SGSM1: variants seen among roughly 807,000 people sequenced by gnomAD.
SGSM1 encodes RUN and TBC1 domain containing 2.
In SGSM1, 73 loss-of-function variants were observed where a neutral mutation model predicts 133.8. The ratio of observed to expected loss-of-function variants is 0.55; its 90% CI spans 0.45 to 0.66. SGSM1 has a LOEUF of 0.66. Ranked by LOEUF, SGSM1 falls within the 30% of genes least tolerant of loss-of-function variation. The pLI, the probability that SGSM1 is intolerant of heterozygous loss-of-function variation, is 0.00. For synonymous variants in SGSM1, 563 were observed against 573.0 expected (o/e 0.98, Z 0.25); for missense variants, 1,213 against 1,448.1 (o/e 0.84, Z 2.64).
rs115840753 is a variant in SGSM1, at chr22:24,921,143, G to A, written c.3193+1150G>A. 8.0e-3 allele frequency among the ~76,000 whole-genome samples: 1,200 copies of A among 149,442 alleles called. 17 individuals are homozygous for A. The highest frequency in any genetic ancestry group is 0.028 in the African/African-American group (1,135 of 40,512). ...GAGACGGAGTCTCACTCTGTTACCC[G>A]CGCTGGAGTGAAGTGGCACGATCTC... On this transcript the variant is annotated intron_variant, in intron 24 of 24. Coordinates refer to ENST00000400358, the MANE Select transcript of SGSM1 (RefSeq NM_001098497.3).
chr22:24,819,280 GTTAAAT>G (rs1212911187), intron 2 of SGSM1, among the ~76,000 whole-genome samples: 2 of 152,070 alleles, frequency 1.3e-5, no homozygotes, highest in African/African-American at 4.8e-5. Context: ...TTTCAATCAA[GTTAAAT>G]TTAAATTAAA....
At chr22:24,845,957 C>CTTTTCTTTTCTTTTCT (rs1252145833) in intron 3 of SGSM1, among the ~76,000 whole-genome samples, 2 of 91,132 alleles carry the variant, frequency 2.2e-5, no homozygotes, top group African/African-American at 7.3e-5. Context: ...TTCTTTCTTT[C>CTTTTCTTTTCTTTTCT]TTTCTTTCTT....
intron 2 of SGSM1, among the ~76,000 whole-genome samples, chr22:24,823,633 A>T (rs118108180): frequency 0.059 from 8,966 of 151,066 alleles, 344 homozygotes; most frequent in Non-Finnish European, 0.09. Context: ...AAATGAATTT[A>T]AAAAAAAATA....
At chr22:24,862,143 T>G (rs1569152857) in intron 9 of SGSM1, among the ~76,000 whole-genome samples, 1 of 151,958 alleles carries the variant, frequency 6.6e-6, no homozygotes, top group Non-Finnish European at 1.5e-5. Flanking sequence ...AGAGACAGGG[T>G]TTCTCCGTGT....
At chr22:24,881,635 G>A (rs150568680) in intron 14 of SGSM1, among the ~76,000 whole-genome samples, 168 of 152,248 alleles carry the variant, frequency 1.1e-3, no homozygotes, top group African/African-American at 3.9e-3. Context: ...TGCAACTCTG[G>A]GAACAGTTCC....
intron 2 of SGSM1, among the ~76,000 whole-genome samples, chr22:24,828,777 G>A (rs1386751632): frequency 6.6e-6 from 1 of 152,234 alleles, no homozygotes; most frequent in African/African-American, 2.4e-5. Context: ...ATGCACGCCA[G>A]TGTTCACTGC....
At chr22:24,838,929 CAAA>C (rs139655) in intron 2 of SGSM1, among the ~76,000 whole-genome samples, 2 of 147,086 alleles carry the variant, frequency 1.4e-5, no homozygotes, top group African/African-American at 5.0e-5. Context: ...TATGTTTCTG[CAAA>C]AAAAAAAGCA....
At chr22:24,923,328 G>A (rs1023009133) in intron 24 of SGSM1, among the ~76,000 whole-genome samples, 9 of 151,528 alleles carry the variant, frequency 5.9e-5, no homozygotes, top group South Asian at 2.1e-4. Flanking sequence ...CCCAGTTTGG[G>A]AACCATGTCT....
At chr22:24,829,942 C>T (rs1929014099) in intron 2 of SGSM1, among the ~76,000 whole-genome samples, 1 of 152,218 alleles carries the variant, frequency 6.6e-6, no homozygotes, top group South Asian at 2.1e-4. Flanking sequence ...AAGCCCACAT[C>T]TGAGAGCCTG....
chr22:24,863,761 G>A (rs1931292756), intron 9 of SGSM1, among the ~76,000 whole-genome samples: 1 of 147,382 alleles, frequency 6.8e-6, no homozygotes, highest in Admixed American at 6.7e-5. Context: ...TTTTTTTTGA[G>A]ATGGAGTTTC....
intron 5 of SGSM1, among the ~76,000 whole-genome samples, chr22:24,853,769 ATTTT>A (rs57736929): frequency 1.1e-3 from 133 of 123,448 alleles, no homozygotes; most frequent in African/African-American, 3.7e-3. Context: ...CGCCTGGTGA[ATTTT>A]TTTTTTTTTT....
intron 18 of SGSM1, among the ~76,000 whole-genome samples, chr22:24,896,053 A>G (rs1420408481): frequency 6.6e-6 from 1 of 152,170 alleles, no homozygotes; most frequent in Non-Finnish European, 1.5e-5. Context: ...TGTCTCACAC[A>G]CACGCACACA....
chr22:24,902,639 A>T (rs1933208026), intron 20 of SGSM1, among the ~76,000 whole-genome samples: 1 of 152,104 alleles, frequency 6.6e-6, no homozygotes. Context: ...GTGAGCTATG[A>T]TTACACCATT....
At chr22:24,861,942 T>A (rs1931178090) in intron 9 of SGSM1, among the ~76,000 whole-genome samples, 1 of 148,246 alleles carries the variant, frequency 6.7e-6, no homozygotes, top group African/African-American at 2.5e-5. Context: ...AGTCTAGAGT[T>A]TCTTTCTTTC....
chr22:24,814,718 T>G (rs946849955), intron 2 of SGSM1, among the ~76,000 whole-genome samples: 1 of 152,236 alleles, frequency 6.6e-6, no homozygotes, highest in Non-Finnish European at 1.5e-5. Context: ...CATCTGAACT[T>G]AAAAGATGCC....
intron 9 of SGSM1, 146 bp downstream of exon 9, chr22:24,859,986 C>T: frequency 8.6e-7 from 1 of 1,161,828 alleles, no homozygotes; most frequent in Non-Finnish European, 1.2e-6. Flanking sequence ...CTTGGCTCAG[C>T]CTCCCCGCAG....
intron 2 of SGSM1, among the ~76,000 whole-genome samples, chr22:24,827,225 G>A (rs919619243): frequency 1.5e-4 from 23 of 152,214 alleles, no homozygotes; most frequent in African/African-American, 5.5e-4. Flanking sequence ...CAGGTGGCAG[G>A]TGAGAGGACT....
chr22:24,857,033 G>T (rs1170986986), intron 8 of SGSM1, among the ~76,000 whole-genome samples: 2 of 151,966 alleles, frequency 1.3e-5, no homozygotes, highest in African/African-American at 2.4e-5. Context: ...CTCCCAAAGT[G>T]CTGGGATTAC....
At position 24,845,472 on chromosome 22, in the gene SGSM1, A is replaced by C. The variant is rs141134709; in HGVS notation, c.139+500A>C. Among the ~76,000 whole-genome samples, 113 of 152,308 alleles carry C rather than the reference A, an allele frequency of 7.4e-4. 1 individual carries two copies. Among genetic ancestry groups the C allele is most frequent in the African/African-American group, 2.6e-3 (110 of 41,570 alleles). ...CTCACAAGCTTCTGGAAATAACCCC[A>C]TGGCCAGGCTTTTGCTGTACTTTGA... On this transcript the variant is annotated intron_variant, in intron 3 of 24. Transcript: ENST00000400358.
Sources: allele counts gnomAD v4.1 joint callset (sites outside exome capture counted in the v4.1 genomes callset), GRCh38; gene constraint gnomAD v4.1.1; transcripts MANE v1.5; gene names NCBI Gene and HGNC (gene_info 2026-07-23, HGNC 2026-07-21).